NSUN6: variants seen among roughly 807,000 people sequenced by gnomAD.
The protein encoded by NSUN6 is NOP2/Sun RNA methyltransferase 6, also known as tRNA (cytosine(72)-C(5))-methyltransferase NSUN6.
NSUN6 carries 64 observed loss-of-function variants against 58.0 expected under a neutral mutation model. That is an observed-to-expected ratio of 1.10 (90% CI 0.90 to 1.36). The LOEUF is 1.36. NSUN6 is among the 40% of genes most tolerant of loss of function. The pLI is 0.00. For missense variants in NSUN6, 701 were observed against 550.1 expected, an observed-to-expected ratio of 1.27 and a Z score of -2.74; for synonymous variants, 231 against 193.9, an observed-to-expected ratio of 1.19 and a Z score of -1.59.
chr10:18,631,502 A>G (rs1186179558), intron 3 of NSUN6, among the ~76,000 whole-genome samples: 1 of 127,138 alleles, frequency 7.9e-6, no homozygotes, highest in Non-Finnish European at 1.7e-5. Flanking sequence ...TATCTAGAAA[A>G]CCCCATTGTC....
intron 5 of NSUN6, 41 bp downstream of exon 5, chr10:18,614,419 C>T (rs1385624549): frequency 1.6e-6 from 2 of 1,258,016 alleles, no homozygotes; most frequent in African/African-American, 1.6e-5. Flanking sequence ...CATTGACCCA[C>T]AAAAAGGATG....
chr10:18,555,811 G>T (rs1286426212), intron 8 of NSUN6, among the ~76,000 whole-genome samples: 1 of 149,928 alleles, frequency 6.7e-6, no homozygotes, highest in African/African-American at 2.5e-5. Flanking sequence ...AGGATGGAAT[G>T]GAATGGAAAG....
chr10:18,582,048 T>C (rs181983068), intron 8 of NSUN6, among the ~76,000 whole-genome samples: 1 of 152,238 alleles, frequency 6.6e-6, no homozygotes, highest in East Asian at 1.9e-4. Context: ...TGAGGCGTTC[T>C]TCCCTTACCA....
intron 6 of NSUN6, among the ~76,000 whole-genome samples, chr10:18,605,932 G>A (rs2058032865): frequency 6.6e-6 from 1 of 152,046 alleles, no homozygotes; most frequent in African/African-American, 2.4e-5. Flanking sequence ...AACAACTTAT[G>A]ACAAAACGGA....
intron 8 of NSUN6, among the ~76,000 whole-genome samples, chr10:18,568,044 A>G (rs2056094264): frequency 6.9e-6 from 1 of 145,314 alleles, no homozygotes; most frequent in Non-Finnish European, 1.5e-5. Context: ...ATTGCATTCT[A>G]TTCTCCATTC....
chr10:18,578,672 C>G (rs1646564837), intron 8 of NSUN6, among the ~76,000 whole-genome samples: 2 of 152,098 alleles, frequency 1.3e-5, no homozygotes, highest in African/African-American at 2.4e-5. Flanking sequence ...ACTGAAATAC[C>G]TTCTGGTTGT....
At chr10:18,594,100 T>A (rs907614398) in intron 7 of NSUN6, among the ~76,000 whole-genome samples, 5 of 150,670 alleles carry the variant, frequency 3.3e-5, no homozygotes, top group Admixed American at 6.7e-5. Flanking sequence ...CTTGGGAGAC[T>A]GAGGCATGAG....
At chr10:18,601,068 G>C (rs2057820453) in intron 6 of NSUN6, among the ~76,000 whole-genome samples, 1 of 147,480 alleles carries the variant, frequency 6.8e-6, no homozygotes, top group Admixed American at 6.9e-5. Context: ...CTCACCTTAT[G>C]AACTACCTCA....
At chr10:18,655,123 CTGT>C, upstream of NSUN6, 1 of 982,406 alleles carries the variant, frequency 1.0e-6, no homozygotes, top group African/African-American at 1.7e-5. Context: ...AGCAGTCCAA[CTGT>C]TGCCAGACTT....
At chr10:18,658,792 C>G (rs1295801169), upstream of NSUN6, 1 of 224,698 alleles carries the variant, frequency 4.5e-6, no homozygotes, top group African/African-American at 2.3e-5. Context: ...CGCTTGAGCC[C>G]AGGAAATTGA....
intron 10 of NSUN6, among the ~76,000 whole-genome samples, chr10:18,547,857 A>G (rs1179293499): frequency 6.6e-6 from 1 of 152,222 alleles, no homozygotes; most frequent in African/African-American, 2.4e-5. Flanking sequence ...TACAAGGGGA[A>G]TAAACACATA....
chr10:18,582,690 G>T (rs2056959206), intron 8 of NSUN6, among the ~76,000 whole-genome samples: 1 of 152,156 alleles, frequency 6.6e-6, no homozygotes, highest in South Asian at 2.1e-4. Flanking sequence ...ACAGTGCTCT[G>T]TAATGCCAAC....
intron 3 of NSUN6, among the ~76,000 whole-genome samples, chr10:18,631,081 A>T (rs2059013995): frequency 6.6e-6 from 1 of 152,182 alleles, no homozygotes; most frequent in Admixed American, 6.5e-5. Flanking sequence ...CATCCCTGGG[A>T]TGCAAGGCTG....
At chr10:18,575,267 A>T (rs1169026952) in intron 8 of NSUN6, among the ~76,000 whole-genome samples, 2 of 152,188 alleles carry the variant, frequency 1.3e-5, no homozygotes, top group African/African-American at 4.8e-5. Context: ...GAAAACTAAG[A>T]AACTATAAAA....
At chr10:18,570,069 C>A (rs2056248777) in intron 8 of NSUN6, among the ~76,000 whole-genome samples, 1 of 151,312 alleles carries the variant, frequency 6.6e-6, no homozygotes, top group South Asian at 2.1e-4. Flanking sequence ...GCATTCCATT[C>A]CATTCTCCAT....
intron 2 of NSUN6, among the ~76,000 whole-genome samples, chr10:18,647,725 G>GTTTTT (rs571301351): frequency 8.0e-5 from 8 of 100,090 alleles, no homozygotes; most frequent in South Asian, 3.1e-4. Flanking sequence ...TCAACACCTT[G>GTTTTT]TTTTTTTTTT....
chr10:18,627,143 A>G (rs1466620048), intron 3 of NSUN6, among the ~76,000 whole-genome samples: 1 of 152,206 alleles, frequency 6.6e-6, no homozygotes, highest in African/African-American at 2.4e-5. Context: ...CCAGAAATTA[A>G]AATATATTTC....
intron 8 of NSUN6, among the ~76,000 whole-genome samples, chr10:18,580,942 A>C (rs1243299654): frequency 6.6e-6 from 1 of 152,164 alleles, no homozygotes; most frequent in East Asian, 1.9e-4. Context: ...GTTTATTAGA[A>C]AGTTTAAAGC....
At chr10:18,572,346 A>T (rs11819185) in intron 8 of NSUN6, among the ~76,000 whole-genome samples, 5 of 142,980 alleles carry the variant, frequency 3.5e-5, no homozygotes, top group African/African-American at 1.1e-4. Context: ...CTCCATTCCA[A>T]TCCACATTCC....
Sources: gnomAD v4.1 joint callset for allele counts (sites outside exome capture counted in the v4.1 genomes callset) on GRCh38, gnomAD v4.1.1 for gene constraint, MANE v1.5 for transcripts, NCBI Gene and HGNC (gene_info 2026-07-23, HGNC 2026-07-21) for gene names.